Variants in TMEM178B observed in about 807,000 individuals in gnomAD.
TMEM178B encodes the protein transmembrane protein 178B.
A neutral mutation model predicts 31.0 loss-of-function variants in TMEM178B; 5 were observed. That is an observed-to-expected ratio of 0.16 (90% CI 0.08 to 0.34). The LOEUF is 0.34. TMEM178B is among the 10% of genes least tolerant of loss of function. The pLI is 1.00. For missense variants in TMEM178B, 275 were observed against 400.3 expected (o/e 0.69, Z 2.67); for synonymous variants, 164 against 164.0 (o/e 1.00, Z 0.00).
rs142307006 is a variant in TMEM178B, at chr7:141,263,576, G to A, written c.496+50872G>A. 5.3e-5 allele frequency among the ~76,000 whole-genome samples: 8 copies of A among 152,172 alleles called. No individual in the cohort carries two copies. In the East Asian group the frequency reaches 1.5e-3, roughly 29 times the overall value. On this transcript the variant is annotated intron_variant, in intron 2 of 3. Transcript: ENST00000565468. ...TAATTCAGGGAGTGTTGATCATTGA[G>A]ACTACACAAGGACTTGCAAGTGAAG...
chr7:141,449,481 C>T (rs1486056454), intron 3 of TMEM178B, among the ~76,000 whole-genome samples: 1 of 152,172 alleles, frequency 6.6e-6, no homozygotes, highest in Non-Finnish European at 1.5e-5. Flanking sequence ...TTGTCACATC[C>T]AATCCTTGAT....
intron 2 of TMEM178B, among the ~76,000 whole-genome samples, chr7:141,309,915 A>G (rs1798878513): frequency 6.6e-6 from 1 of 152,092 alleles, no homozygotes; most frequent in Non-Finnish European, 1.5e-5. Flanking sequence ...CCTTCCTTAC[A>G]CCTTATACAA....
At chr7:141,225,429 A>AT (rs35863340) in intron 2 of TMEM178B, among the ~76,000 whole-genome samples, 10 of 151,734 alleles carry the variant, frequency 6.6e-5, no homozygotes, top group East Asian at 1.9e-4. Flanking sequence ...CACAACAGGA[A>AT]TTTTTTTTTC....
intron 1 of TMEM178B, among the ~76,000 whole-genome samples, chr7:141,105,079 T>A (rs1315489102): frequency 6.6e-6 from 1 of 152,016 alleles, no homozygotes; most frequent in Non-Finnish European, 1.5e-5. Context: ...CATCCCAAAG[T>A]TGACATGATG....
intron 1 of TMEM178B, among the ~76,000 whole-genome samples, chr7:141,182,794 G>T (rs1262033951): frequency 6.6e-6 from 1 of 152,196 alleles, no homozygotes; most frequent in African/African-American, 2.4e-5. Flanking sequence ...GAGTTCCCCT[G>T]CACAAGCTCT....
At chr7:141,251,713 C>T (rs1052266197) in intron 2 of TMEM178B, among the ~76,000 whole-genome samples, 3 of 152,170 alleles carry the variant, frequency 2.0e-5, no homozygotes, top group African/African-American at 7.2e-5. Flanking sequence ...CGCATTGTAC[C>T]TATTACAGTG....
At chr7:141,177,431 G>T (rs1254976343) in intron 1 of TMEM178B, among the ~76,000 whole-genome samples, 1 of 152,186 alleles carries the variant, frequency 6.6e-6, no homozygotes, top group Non-Finnish European at 1.5e-5. Flanking sequence ...TTGATTTGGG[G>T]TGGAGAGTTC....
At chr7:141,450,595 A>C (rs796153719) in intron 3 of TMEM178B, among the ~76,000 whole-genome samples, 4 of 152,222 alleles carry the variant, frequency 2.6e-5, no homozygotes, top group African/African-American at 9.6e-5. Flanking sequence ...AAAAGGGGGG[A>C]AAGGGGGCCA....
chr7:141,497,279 C>T, the TMEM178B span, among the ~76,000 whole-genome samples: 5 of 152,178 alleles, frequency 3.3e-5, no homozygotes, highest in Non-Finnish European at 5.9e-5. Flanking sequence ...GCTGAGAGGC[C>T]AGAAGGTTGG....
At chr7:141,147,553 G>A (rs548690952) in intron 1 of TMEM178B, among the ~76,000 whole-genome samples, 2 of 152,318 alleles carry the variant, frequency 1.3e-5, no homozygotes, top group East Asian at 1.9e-4. Context: ...CAAGGCAAGC[G>A]ATGAAGAGGG....
intron 2 of TMEM178B, among the ~76,000 whole-genome samples, chr7:141,425,823 C>G (rs1002694406): frequency 2.0e-5 from 3 of 152,164 alleles, no homozygotes; most frequent in Non-Finnish European, 4.4e-5. Flanking sequence ...GAGCAATTCT[C>G]TGATCCGGAG....
intron 2 of TMEM178B, among the ~76,000 whole-genome samples, chr7:141,322,946 G>T (rs1799126615): frequency 6.6e-6 from 1 of 152,094 alleles, no homozygotes; most frequent in Non-Finnish European, 1.5e-5. Context: ...GCTTTCTCTG[G>T]TCCTGATTTT....
At chr7:141,186,424 C>T (rs2129184470) in intron 1 of TMEM178B, among the ~76,000 whole-genome samples, 1 of 152,310 alleles carries the variant, frequency 6.6e-6, no homozygotes, top group Admixed American at 6.5e-5. Flanking sequence ...TCCTGCCCTT[C>T]CTCTCGGGGC....
intron 2 of TMEM178B, among the ~76,000 whole-genome samples, chr7:141,375,376 G>T (rs951368505): frequency 2.0e-5 from 3 of 152,158 alleles, no homozygotes; most frequent in Non-Finnish European, 2.9e-5. Flanking sequence ...TCCTTCCATT[G>T]CATCCATCTT....
chr7:141,370,058 G>C (rs1800086355), intron 2 of TMEM178B, among the ~76,000 whole-genome samples: 1 of 152,172 alleles, frequency 6.6e-6, no homozygotes, highest in Admixed American at 6.5e-5. Context: ...CTGAGGCAAG[G>C]GGGGCCTGCC....
chr7:141,509,130 C>G, the TMEM178B span, among the ~76,000 whole-genome samples: 1 of 152,144 alleles, frequency 6.6e-6, no homozygotes, highest in Non-Finnish European at 1.5e-5. Context: ...CATAGACATG[C>G]CATTGTGTGC....
chr7:141,178,897 C>G (rs1482911954), intron 1 of TMEM178B, among the ~76,000 whole-genome samples: 1 of 152,194 alleles, frequency 6.6e-6, no homozygotes, highest in Non-Finnish European at 1.5e-5. Context: ...GCAGCAGGCT[C>G]TGAATGGAGG....
intron 2 of TMEM178B, among the ~76,000 whole-genome samples, chr7:141,360,211 A>C (rs1799894166): frequency 6.6e-6 from 1 of 152,198 alleles, no homozygotes; most frequent in African/African-American, 2.4e-5. Context: ...CTTACTAACA[A>C]AATCCTGATT....
At chr7:141,362,286 G>A (rs975234122) in intron 2 of TMEM178B, among the ~76,000 whole-genome samples, 1 of 152,156 alleles carries the variant, frequency 6.6e-6, no homozygotes, top group Non-Finnish European at 1.5e-5. Flanking sequence ...AGGGCCATTT[G>A]CTGGGACAAA....
Sources: allele counts gnomAD v4.1 joint callset (sites outside exome capture counted in the v4.1 genomes callset), GRCh38; gene constraint gnomAD v4.1.1; transcripts MANE v1.5; gene names NCBI Gene and HGNC (gene_info 2026-07-23, HGNC 2026-07-21).